SLC9C2: variants seen among roughly 807,000 people sequenced by gnomAD.
SLC9C2 encodes solute carrier family 9 member C2 (putative), also known as sodium/hydrogen exchanger 11.
In SLC9C2, 75 loss-of-function variants were observed where a neutral mutation model predicts 140.2. The ratio of observed to expected loss-of-function variants is 0.53; its 90% CI spans 0.44 to 0.65. The LOEUF (loss-of-function observed/expected upper bound fraction) is 0.65, where lower values mean the gene tolerates loss of function less well. SLC9C2 is among the 30% of genes least tolerant of loss of function. SLC9C2 has a pLI of 0.00. For missense variants in SLC9C2, 1,074 were observed against 1,331.8 expected (o/e 0.81, Z 3.01); for synonymous variants, 375 against 420.9 (o/e 0.89, Z 1.34).
intron 23 of SLC9C2, among the ~76,000 whole-genome samples, chr1:173,511,010 T>A (rs1485791601): frequency 6.7e-6 from 1 of 148,996 alleles, no homozygotes; most frequent in Non-Finnish European, 1.5e-5. Flanking sequence ...GTTTCCTGGA[T>A]TTTTTTTCCT....
intron 9 of SLC9C2, among the ~76,000 whole-genome samples, chr1:173,566,833 C>G (rs1664505653): frequency 6.7e-6 from 1 of 149,830 alleles, no homozygotes; most frequent in African/African-American, 2.4e-5. Context: ...AAATTTCCCT[C>G]TTAGTACTGC....
intron 23 of SLC9C2, among the ~76,000 whole-genome samples, chr1:173,513,441 T>G (rs1571436799): frequency 1.3e-5 from 2 of 152,232 alleles, no homozygotes; most frequent in South Asian, 4.1e-4. Flanking sequence ...ATTTTCTAGT[T>G]TATTTACATA....
At chr1:173,594,900 T>C (rs1339472146) in intron 4 of SLC9C2, among the ~76,000 whole-genome samples, 15 of 152,194 alleles carry the variant, frequency 9.9e-5, no homozygotes, top group Non-Finnish European at 1.5e-5. Flanking sequence ...GGTTGTTTTG[T>C]TTTTTGTTTT....
rs553720332 is a variant in SLC9C2, at chr1:173,503,167, C to T, written c.3371+99G>A. On this transcript the variant is annotated intron_variant, in intron 27 of 27. Coordinates refer to ENST00000367714, the MANE Select transcript of SLC9C2 (RefSeq NM_178527.4). ...AGTTGTAGCTAGGAGTGTCTTTTCTCACCACCTACAATTTGCTATTTTGCC... is the reference window on the plus strand; with the variant it reads ...AGTTGTAGCTAGGAGTGTCTTTTCTTACCACCTACAATTTGCTATTTTGCC... 104 of 877,500 alleles carry T rather than the reference C, an allele frequency of 1.2e-4. 1 individual carries two copies. The African/African-American group carries it at 1.6e-3, about 13-fold the overall frequency. The allele number at this position is 877,500 out of a possible 1,614,324, so 54.4% of individuals were successfully genotyped here. A position where few individuals can be genotyped will look rare whatever the true frequency, so the allele number is the denominator to read the frequency against.
intron 1 of SLC9C2, 25 bp from the exon 2 acceptor site, chr1:173,601,880 G>C: frequency 7.2e-7 from 1 of 1,392,274 alleles, no homozygotes; most frequent in Non-Finnish European, 9.8e-7. Context: ...AAAAGAACAT[G>C]AGACCTACCA....
intron 16 of SLC9C2, 115 bp from the exon 17 acceptor site, chr1:173,533,912 G>C: frequency 8.5e-7 from 1 of 1,175,724 alleles, no homozygotes; most frequent in East Asian, 3.0e-5. Flanking sequence ...TCCGAAAGTT[G>C]AGCTTTAAGT....
intron 9 of SLC9C2, among the ~76,000 whole-genome samples, chr1:173,564,968 CTTTT>C (rs564120430): frequency 2.6e-5 from 3 of 113,614 alleles, no homozygotes; most frequent in Non-Finnish European, 5.3e-5. Context: ...TTTTCTTTTT[CTTTT>C]TTTTTTTTTT....
At chr1:173,589,969 A>T (rs1666063043) in intron 4 of SLC9C2, among the ~76,000 whole-genome samples, 1 of 152,202 alleles carries the variant, frequency 6.6e-6, no homozygotes, top group Admixed American at 6.5e-5. Flanking sequence ...AAGGCCTGGC[A>T]CCGTGGCTCA....
intron 9 of SLC9C2, among the ~76,000 whole-genome samples, chr1:173,564,983 T>C (rs1664376472): frequency 6.8e-6 from 1 of 147,034 alleles, no homozygotes; most frequent in Non-Finnish European, 1.5e-5. Context: ...TTTTTTTTTT[T>C]TTGAGACAAA....
At chr1:173,530,568 A>C (rs1661510414) in intron 17 of SLC9C2, among the ~76,000 whole-genome samples, 1 of 152,194 alleles carries the variant, frequency 6.6e-6, no homozygotes, top group South Asian at 2.1e-4. Context: ...GTCATGACTT[A>C]AGAGAATGGG....
At chr1:173,522,475 T>C (rs950053728) in intron 21 of SLC9C2, among the ~76,000 whole-genome samples, 5 of 152,144 alleles carry the variant, frequency 3.3e-5, no homozygotes, top group African/African-American at 1.2e-4. Context: ...GGTGGAGCCA[T>C]CCACTAGGCA....
chr1:173,504,365 C>T (rs1229014531), intron 26 of SLC9C2, among the ~76,000 whole-genome samples: 1 of 152,270 alleles, frequency 6.6e-6, no homozygotes, highest in East Asian at 1.9e-4. Context: ...TGGCACAGTA[C>T]CCAGCACACA....
rs565680827 is a variant in SLC9C2 at position 173,529,941 on chromosome 1, T to A, written c.2277A>T (p.Leu759=). ...YIKSQEDAKL[L]IKQIAVCESI... is the part of the protein sequence containing the mutation. ...ATTCACAGACAGCTATTTGTTTTAT[T>A]AGAAGTTTGGCATCTTCTTGACTTT... The change falls in exon 18 of 28, where the codon CTA becomes CTT. Residue 759 remains leucine, a synonymous_variant. Transcript: ENST00000367714. 2 of 1,611,886 alleles carry A rather than the reference T, an allele frequency of 1.2e-6. No individual in the cohort carries two copies.
At chr1:173,587,425 GA>G (rs1558093049) in intron 5 of SLC9C2, among the ~76,000 whole-genome samples, 1 of 151,020 alleles carries the variant, frequency 6.6e-6, no homozygotes, top group African/African-American at 2.4e-5. Context: ...CTTTTTCTTT[GA>G]AAAAAAATGA....
chr1:173,508,843 G>A (rs1156427916), intron 24 of SLC9C2, among the ~76,000 whole-genome samples: 2 of 152,162 alleles, frequency 1.3e-5, no homozygotes, highest in African/African-American at 4.8e-5. Flanking sequence ...TGGAGGGGAA[G>A]TCCATGAGAG....
chr1:173,577,715 C>G (rs755158446), intron 7 of SLC9C2, among the ~76,000 whole-genome samples: 1 of 152,122 alleles, frequency 6.6e-6, no homozygotes, highest in Non-Finnish European at 1.5e-5. Flanking sequence ...CATGAAAATG[C>G]TTGCCACACT....
At chr1:173,523,559 C>T (rs914329288) in intron 21 of SLC9C2, among the ~76,000 whole-genome samples, 7 of 152,146 alleles carry the variant, frequency 4.6e-5, no homozygotes, top group Non-Finnish European at 1.0e-4. Context: ...AACTTGAATA[C>T]ACCTCAGTTC....
intron 9 of SLC9C2, among the ~76,000 whole-genome samples, chr1:173,560,750 G>A (rs1279094544): frequency 6.6e-6 from 1 of 152,060 alleles, no homozygotes; most frequent in Non-Finnish European, 1.5e-5. Context: ...TAGCTATGAA[G>A]CCCCATAACA....
intron 17 of SLC9C2, among the ~76,000 whole-genome samples, chr1:173,532,910 AC>A (rs1207493441): frequency 3.3e-5 from 5 of 152,244 alleles, no homozygotes; most frequent in African/African-American, 1.2e-4. Context: ...AAAGACCAAA[AC>A]AAAGATCTCT....
Sources: gnomAD v4.1 joint callset for allele counts (sites outside exome capture counted in the v4.1 genomes callset) on GRCh38, gnomAD v4.1.1 for gene constraint, MANE v1.5 for transcripts, NCBI Gene and HGNC (gene_info 2026-07-23, HGNC 2026-07-21) for gene names.